The following POLQ variants were observed in gnomAD, a reference collection of about 807,000 sequenced individuals.
The protein encoded by POLQ is epididymis secretory sperm binding protein.
Under a neutral mutation model 259.2 loss-of-function variants are expected in POLQ, and 233 were observed. That is an observed-to-expected ratio of 0.90 (90% CI 0.81 to 1.00). The LOEUF is 1.00. POLQ is among the 50% of genes least tolerant of loss of function. POLQ has a pLI of 0.00. For missense variants in POLQ, 2,871 were observed against 3,051.6 expected (o/e 0.94, Z 1.39); for synonymous variants, 1,025 against 1,048.8 (o/e 0.98, Z 0.44).
chr3:121,537,287 C>A, intron 4 of POLQ, 79 bp from the exon 5 acceptor site: 1 of 794,794 alleles, frequency 1.3e-6, no homozygotes, highest in East Asian at 2.5e-5. Flanking sequence ...TTATTTCACT[C>A]TATTTAATTT....
intron 24 of POLQ, among the ~76,000 whole-genome samples, chr3:121,464,892 T>C (rs2047822775): frequency 6.6e-6 from 1 of 152,188 alleles, no homozygotes; most frequent in Admixed American, 6.5e-5. Context: ...GATACTTAAC[T>C]TGTAATAATG....
At chr3:121,536,558 T>C (rs1249237572) in intron 5 of POLQ, among the ~76,000 whole-genome samples, 1 of 152,146 alleles carries the variant, frequency 6.6e-6, no homozygotes, top group African/African-American at 2.4e-5. Context: ...TAAAAATCTA[T>C]AATAAAAATG....
Position 121,473,372 on chromosome 3 carries a change from C to G in POLQ, c.6521G>C (p.Gly2174Ala). Residue 2174 changes from glycine to alanine, a missense_variant, in exon 21 of 30, where the codon GGA becomes GCA. Gly to Ala is a moderately conservative substitution (Grantham distance 60). This residue lies in a region of POLQ where 2,080 missense variants were observed against 2,126.0 expected (regional missense o/e 0.98). Coordinates refer to ENST00000264233, the MANE Select transcript of POLQ (RefSeq NM_199420.4). ...CACCTTACTAGTGCTGAACTGTCTT[C>G]CCAGCCTTAGCTTGCGTCCATTGTC... ...GIDNGRKLRL[G>A]RQFSTSKDVL... 6.2e-7 allele frequency: 1 copy of G among 1,614,016 alleles called. No individual in the cohort carries two copies. The highest frequency in any genetic ancestry group is 8.5e-7 in the Non-Finnish European group (1 of 1,179,940).
chr3:121,521,835 T>G, intron 8 of POLQ, 168 bp downstream of exon 8: 1 of 412,868 alleles, frequency 2.4e-6, no homozygotes, highest in East Asian at 4.3e-5. Flanking sequence ...CCTCCCAAAG[T>G]GCTGGGATTA....
intron 12 of POLQ, among the ~76,000 whole-genome samples, chr3:121,500,517 G>A (rs1018641788): frequency 6.6e-6 from 1 of 152,072 alleles, no homozygotes; most frequent in Non-Finnish European, 1.5e-5. Flanking sequence ...GATTAATAAA[G>A]ACTATGCAAT....
rs536841261 is a variant in POLQ at position 121,459,412 on chromosome 3, T to C, written c.7152+638A>G. ...TTTTTTGTTTTTCGAGATGGAGTCT[T>C]GCTCTTTCACCCAGGCTGGAGTGCA... On this transcript the variant is annotated intron_variant, in intron 25 of 29. Coordinates refer to ENST00000264233, the MANE Select transcript of POLQ (RefSeq NM_199420.4). Among the ~76,000 whole-genome samples, 5 of 145,168 alleles carry C rather than the reference T, an allele frequency of 3.4e-5. No individual in the cohort carries two copies. The East Asian group carries it at 1.0e-3, about 30-fold the overall frequency.
At chr3:121,437,898 C>T (rs1038594274) in intron 27 of POLQ, among the ~76,000 whole-genome samples, 4 of 152,024 alleles carry the variant, frequency 2.6e-5, no homozygotes, top group Admixed American at 6.6e-5. Context: ...ACAAAATATA[C>T]ATATATGATG....
intron 27 of POLQ, among the ~76,000 whole-genome samples, chr3:121,439,198 A>T (rs1423671784): frequency 6.6e-6 from 1 of 150,948 alleles, no homozygotes; most frequent in Non-Finnish European, 1.5e-5. Flanking sequence ...ACTATTTGGG[A>T]TATCTTAATA....
chr3:121,467,278 C>G (rs1352923262), intron 24 of POLQ, among the ~76,000 whole-genome samples: 1 of 152,122 alleles, frequency 6.6e-6, no homozygotes, highest in Non-Finnish European at 1.5e-5. Flanking sequence ...CGTTAGAAAA[C>G]ATGGTTTCAG....
In POLQ at chr3:121,487,711, A is replaced by C. The variant is rs2048024402; in HGVS notation, c.5220T>G (p.Ile1740Met). The change falls in exon 16 of 30, where the codon ATT (isoleucine) becomes ATG (methionine). Residue 1740 changes from isoleucine to methionine, a missense_variant. By Grantham distance (10) the Ile-to-Met change is conservative. Around this residue, in one of 3 missense-constraint regions of POLQ, gnomAD observed 2,080 missense variants for 2,126.0 expected, o/e 0.98. Transcript: ENST00000264233. ...DDNGLIPPTP[I>M]PTSASKLTFP... is the part of the protein sequence containing the mutation. ...ATGTCAGCTTAGAAGCAGATGTTGG[A>C]ATGGGTGTAGGAGGAATGAGACCAT... The C allele has an allele frequency of 6.2e-7, 1 of 1,613,892 alleles. No individual in the cohort carries two copies. The highest frequency in any genetic ancestry group is 1.3e-5 in the African/African-American group (1 of 74,920).
Position 121,496,914 on chromosome 3 carries a change from C to A in POLQ, c.2172G>T (p.Val724=). ...AIHKRFFTSL[V]LLDLISEVPL... ...GAACTTCACTGATTAAATCTAATAG[C>A]ACAAGACTGGTGAAAAACCTGGGAA... Residue 724 remains valine, a synonymous_variant, in exon 14 of 30, where the codon GTG becomes GTT. Transcript: ENST00000264233. 1 of 1,612,328 alleles carries A rather than the reference C, an allele frequency of 6.2e-7. No homozygotes were observed. The highest frequency in any genetic ancestry group is 8.5e-7 in the Non-Finnish European group (1 of 1,179,676).
intron 18 of POLQ, among the ~76,000 whole-genome samples, chr3:121,482,430 G>T (rs2047978431): frequency 6.6e-6 from 1 of 151,286 alleles, no homozygotes. Context: ...TGAGGCAAAA[G>T]AATCGCTTGA....
intron 7 of POLQ, among the ~76,000 whole-genome samples, chr3:121,524,697 A>T (rs2048360181): frequency 6.6e-6 from 1 of 152,128 alleles, no homozygotes. Flanking sequence ...GACAGCAAGC[A>T]GAGATCAACA....
chr3:121,537,512 A>G (rs1246410306), intron 4 of POLQ, among the ~76,000 whole-genome samples: 1 of 152,116 alleles, frequency 6.6e-6, no homozygotes, highest in Non-Finnish European at 1.5e-5. Context: ...TGAGTACTCA[A>G]AGGTTAATTC....
At chr3:121,504,306 A>C (rs2048193510) in intron 12 of POLQ, among the ~76,000 whole-genome samples, 1 of 152,186 alleles carries the variant, frequency 6.6e-6, no homozygotes, top group Non-Finnish European at 1.5e-5. Flanking sequence ...TACGTGGACT[A>C]TTTTCTGGAA....
intron 12 of POLQ, among the ~76,000 whole-genome samples, chr3:121,500,368 C>T (rs1475754010): frequency 6.6e-6 from 1 of 151,320 alleles, no homozygotes; most frequent in East Asian, 1.9e-4. Flanking sequence ...TCAAATAACA[C>T]TCCTGCCTTG....
rs929891367 is a variant in POLQ at position 121,456,082 on chromosome 3, A to G, written c.7152+3968T>C. ...GGGATGCAAGGCTGGTTCAATATACACAAATCAATAAATGTAATCCAGCAT... is the reference window on the plus strand; with the variant it reads ...GGGATGCAAGGCTGGTTCAATATACGCAAATCAATAAATGTAATCCAGCAT... On this transcript the variant is annotated intron_variant, in intron 25 of 29. Transcript: ENST00000264233. 1.1e-4 allele frequency among the ~76,000 whole-genome samples: 16 copies of G among 152,276 alleles called. No individual in the cohort carries two copies. In the South Asian group the frequency reaches 1.2e-3, roughly 12 times the overall value.
Position 121,539,427 on chromosome 3 carries a change from T to A in POLQ, c.631+6A>T. 1 of 1,587,552 alleles carries A rather than the reference T, an allele frequency of 6.3e-7. No individual in the cohort carries two copies. Among genetic ancestry groups the A allele is most frequent in the Non-Finnish European group, 8.6e-7 (1 of 1,168,948 alleles). On this transcript the variant is annotated splice_donor_region_variant and intron_variant, in intron 4 of 29. Transcript: ENST00000264233. ...AAAGTATTTACTTATTTTCTAACTT[T>A]CTTACCTAACAGATCCATCTTATTT...
intron 8 of POLQ, 144 bp downstream of exon 8, chr3:121,521,859 C>A: frequency 1.9e-6 from 1 of 539,414 alleles, no homozygotes; most frequent in South Asian, 3.4e-5. Context: ...GAGTGAGCCA[C>A]CACGCCCAGC....
Sources: gnomAD v4.1 joint callset for allele counts (sites outside exome capture counted in the v4.1 genomes callset) on GRCh38, gnomAD v4.1.1 for gene constraint, gnomAD v4.1.1 regional missense constraint, MANE v1.5 for transcripts, NCBI Gene and HGNC (gene_info 2026-07-23, HGNC 2026-07-21) for gene names.